SEPTIN6: variants seen among roughly 807,000 people sequenced by gnomAD.
SEPTIN6 encodes the protein septin-6.
In SEPTIN6, 8 loss-of-function variants were observed where a neutral mutation model predicts 33.6. The observed-to-expected ratio is 0.24, with a 90% CI of 0.14 to 0.43. SEPTIN6 has a LOEUF of 0.43. Among genes scored for constraint, SEPTIN6 ranks in the 20% least tolerant of loss-of-function variants. The pLI is 1.00. For synonymous variants in SEPTIN6, 131 were observed against 140.0 expected (o/e 0.94, Z 0.45); for missense variants, 250 against 340.8 (o/e 0.73, Z 2.10).
At chrX:119,682,026 C>A (rs1358188489) in intron 1 of SEPTIN6, among the ~76,000 whole-genome samples, 15 of 110,439 alleles carry the variant, frequency 1.4e-4, no homozygotes, top group Non-Finnish European at 2.1e-4. Context: ...AACAGTGAGA[C>A]CCTGTCTCAA....
chrX:119,662,055 T>TC (rs1462560562), intron 3 of SEPTIN6, among the ~76,000 whole-genome samples: 1 of 104,552 alleles, frequency 9.6e-6, no homozygotes, highest in Non-Finnish European at 2.0e-5. Context: ...ATCTTTCCTG[T>TC]CCCCCCTCCT....
In SEPTIN6 at chrX:119,651,218, G is replaced by T. The variant is rs1327935128; in HGVS notation, c.529-1120C>A. ...CTTTGGCTTAGGAGTGCCTCTGAAG[G>T]CTGATATCACACAGCCGCTGGGTCA... On this transcript the variant is annotated intron_variant, in intron 4 of 10. Transcript: ENST00000394610. Among the ~76,000 whole-genome samples, 4 of 111,795 alleles carry T rather than the reference G, an allele frequency of 3.6e-5. No homozygotes were observed. The East Asian group carries it at 8.4e-4, about 24-fold the overall frequency.
intron 5 of SEPTIN6, among the ~76,000 whole-genome samples, chrX:119,646,530 T>C (rs2054259724): frequency 9.0e-6 from 1 of 111,504 alleles, no homozygotes; most frequent in Non-Finnish European, 1.9e-5. Flanking sequence ...AGAGCATGGG[T>C]TGAAAATAGC....
At chrX:119,678,392 C>T (rs1367059254) in intron 1 of SEPTIN6, among the ~76,000 whole-genome samples, 11 of 109,455 alleles carry the variant, frequency 1.0e-4, no homozygotes, top group South Asian at 4.0e-4. Context: ...TGGTGGCGGG[C>T]GCCTGTAGTC....
Position 119,655,250 on chromosome X carries a change from T to C in SEPTIN6, c.342-2210A>G, listed in dbSNP as rs144357956. ...GCCACCAGGATTTGGTGTAGACGAA[T>C]CCTAAATGGGTGGCTTATCTTCGTC... On this transcript the variant is annotated intron_variant, in intron 3 of 10. Coordinates refer to ENST00000394610, the MANE Select transcript of SEPTIN6 (RefSeq NM_145799.4). Among the ~76,000 whole-genome samples the C allele has an allele frequency of 4.5e-3, 495 of 110,278 alleles. 2 individuals carry two copies. Among genetic ancestry groups the C allele is most frequent in the African/African-American group, 0.015 (468 of 30,246 alleles).
chrX:119,637,558 TATCCATCC>T (rs771516167), intron 6 of SEPTIN6, among the ~76,000 whole-genome samples: 5 of 102,512 alleles, frequency 4.9e-5, no homozygotes, highest in South Asian at 4.2e-4. Flanking sequence ...TCCATCCATC[TATCCATCC>T]ATCCATCCAT....
chrX:119,640,024 C>A (rs1603336661), intron 6 of SEPTIN6, among the ~76,000 whole-genome samples: 2 of 106,550 alleles, frequency 1.9e-5, no homozygotes, highest in South Asian at 8.4e-4. Flanking sequence ...GTTGGCCAGG[C>A]TGGTCTCGAG....
rs749322049 is a variant in SEPTIN6, at chrX:119,618,653, A to G, written c.*1440T>C. On this transcript the variant is annotated 3_prime_UTR_variant, in exon 11 of 11. Transcript: ENST00000394610. Reference sequence around the variant, plus strand: ...GTGAGCTTGAAGTACATGGCAGGATAGGGGTGGGGGGCCTCGCTGCCTGGC... The same window carrying G: ...GTGAGCTTGAAGTACATGGCAGGATGGGGGTGGGGGGCCTCGCTGCCTGGC... 7.9e-5 allele frequency: 92 copies of G among 1,158,905 alleles called. 1 individual carries two copies. The highest frequency in any genetic ancestry group is 5.9e-4 in the African/African-American group (33 of 55,640).
At position 119,640,754 on chromosome X, in the gene SEPTIN6, T is replaced by C; in HGVS notation, c.725A>G (p.Glu242Gly). The C allele has an allele frequency of 8.3e-7, 1 of 1,211,428 alleles. No homozygotes were observed. Among genetic ancestry groups the C allele is most frequent in the Non-Finnish European group, 1.1e-6 (1 of 895,278 alleles). The change falls in exon 6 of 11, where the codon GAA (glutamate) becomes GGA (glycine). Residue 242 changes from glutamate to glycine, a missense_variant. Around this residue, in one of 2 missense-constraint regions of SEPTIN6, gnomAD observed 139 missense variants for 227.0 expected, o/e 0.61. Coordinates refer to ENST00000394610, the MANE Select transcript of SEPTIN6 (RefSeq NM_145799.4). ...CATCTTGTTGCCTATCTTCAGTTCT[T>C]CTGTGCTGCCAATGACAGCAAACGG... is the stretch of plus-strand genomic sequence containing the variant. ...HLPFAVIGST[E>G]ELKIGNKMMR...
In SEPTIN6 at chrX:119,644,932, A is replaced by C. The variant is rs1268566228; in HGVS notation, c.691-4144T>G. On this transcript the variant is annotated intron_variant, in intron 5 of 10. Transcript: ENST00000394610. ...ATTTTTTTTTTTTTTTTAAGATGAGAGTTTCGCTCTTGTTGCCCAGGCTGG... is the reference window on the plus strand; with the variant it reads ...ATTTTTTTTTTTTTTTTAAGATGAGCGTTTCGCTCTTGTTGCCCAGGCTGG... 7.7e-4 allele frequency among the ~76,000 whole-genome samples: 79 copies of C among 102,809 alleles called. 1 individual carries two copies. The highest frequency in any genetic ancestry group is 2.6e-3 in the African/African-American group (72 of 28,091). 89.3% of individuals were successfully genotyped at this position (102,809 alleles called of 115,157 possible).
intron 5 of SEPTIN6, among the ~76,000 whole-genome samples, chrX:119,641,311 C>T (rs1275780747): frequency 5.4e-5 from 6 of 111,757 alleles, no homozygotes; most frequent in Non-Finnish European, 1.1e-4. Context: ...GGAGAAAGAG[C>T]TCACATTGAA....
At position 119,639,138 on chromosome X, in the gene SEPTIN6, T is replaced by C. The variant is rs141404578; in HGVS notation, c.787+1554A>G. ...ACAGCTCTGATAACCAGTCTTGTCCTACCTATGGAAAATCCAGCTATTGCC... is the reference window on the plus strand; with the variant it reads ...ACAGCTCTGATAACCAGTCTTGTCCCACCTATGGAAAATCCAGCTATTGCC... On this transcript the variant is annotated intron_variant, in intron 6 of 10. Coordinates refer to ENST00000394610, the MANE Select transcript of SEPTIN6 (RefSeq NM_145799.4). Among the ~76,000 whole-genome samples, 826 of 112,388 alleles carry C rather than the reference T, an allele frequency of 7.3e-3. 11 individuals carry two copies. The highest frequency in any genetic ancestry group is 0.025 in the African/African-American group (776 of 30,931).
In SEPTIN6 at chrX:119,629,506, C is replaced by T; in HGVS notation, c.1092G>A (p.Leu364=). 1 of 1,209,895 alleles carries T rather than the reference C, an allele frequency of 8.3e-7. No individual in the cohort carries two copies. The highest frequency in any genetic ancestry group is 1.1e-6 in the Non-Finnish European group (1 of 894,236). Residue 364 remains leucine, a splice_region_variant and synonymous_variant, in exon 9 of 11, where the codon CTG becomes CTA. Coordinates refer to ENST00000394610, the MANE Select transcript of SEPTIN6 (RefSeq NM_145799.4). ...TCTTCAGACGGTCAAACTTCTCGTG[C>T]AGCTGGCAGGGAAGCACAGGGAGAT... ...EAELKEAEKE[L]HEKFDRLKKL...
chrX:119,692,680 A>C (rs1472719494), intron 1 of SEPTIN6, among the ~76,000 whole-genome samples: 2 of 112,508 alleles, frequency 1.8e-5, no homozygotes, highest in Admixed American at 1.9e-4. Context: ...CACAACGGGC[A>C]GCCGTGCGCA....
At chrX:119,678,413 A>G (rs1281374704) in intron 1 of SEPTIN6, among the ~76,000 whole-genome samples, 10 of 109,797 alleles carry the variant, frequency 9.1e-5, no homozygotes, top group South Asian at 4.0e-4. Flanking sequence ...CCAGCTACTC[A>G]GGAGGCTGAG....
intron 1 of SEPTIN6, among the ~76,000 whole-genome samples, chrX:119,683,586 C>T (rs1251029637): frequency 1.8e-5 from 2 of 112,739 alleles, no homozygotes; most frequent in Non-Finnish European, 1.9e-5. Flanking sequence ...GGGGAAAATA[C>T]ACATTTTTTA....
chrX:119,658,362 C>G (rs921015865), intron 3 of SEPTIN6, among the ~76,000 whole-genome samples: 13 of 111,634 alleles, frequency 1.2e-4, no homozygotes, highest in African/African-American at 4.2e-4. Context: ...GAGTATATAT[C>G]GATCTACCTC....
At chrX:119,623,332 T>C (rs1190584077) in intron 10 of SEPTIN6, among the ~76,000 whole-genome samples, 1 of 112,075 alleles carries the variant, frequency 8.9e-6, no homozygotes, top group Non-Finnish European at 1.9e-5. Context: ...GTTGTGGTTA[T>C]GTTTTTTTAA....
Position 119,656,447 on chromosome X carries a change from G to C in SEPTIN6, c.342-3407C>G, listed in dbSNP as rs184963219. Among the ~76,000 whole-genome samples the C allele has an allele frequency of 8.9e-5, 10 of 112,225 alleles. No individual in the cohort carries two copies. The East Asian group carries it at 2.8e-3, about 31-fold the overall frequency. The stretch of plus-strand genomic sequence containing the variant: ...AGTGGGAATAATAAATGTGAGGATG[G>C]TTCTGAGGCAGAAACCAGTCTGACA... On this transcript the variant is annotated intron_variant, in intron 3 of 10. Coordinates refer to ENST00000394610, the MANE Select transcript of SEPTIN6 (RefSeq NM_145799.4).
Sources: allele counts gnomAD v4.1 joint callset (sites outside exome capture counted in the v4.1 genomes callset), GRCh38; gene constraint gnomAD v4.1.1; regional missense constraint gnomAD v4.1.1; transcripts MANE v1.5; gene names NCBI Gene and HGNC (gene_info 2026-07-23, HGNC 2026-07-21).